The following PHACTR4 variants were observed in gnomAD, a reference collection of about 807,000 sequenced individuals.
PHACTR4 encodes the protein phosphatase and actin regulator 4, also known as protein phosphatase 1, regulatory subunit 124.
Under a neutral mutation model 72.7 loss-of-function variants are expected in PHACTR4, and 51 were observed. The observed-to-expected ratio is 0.70, with a 90% CI of 0.56 to 0.89. The LOEUF (loss-of-function observed/expected upper bound fraction) is 0.89. PHACTR4 is among the 40% of genes least tolerant of loss of function. The probability of loss-of-function intolerance (pLI) is 0.00; values close to 1 mark genes in which losing one functional copy is unlikely to be tolerated. For synonymous variants in PHACTR4, 255 were observed against 302.5 expected (o/e 0.84, Z 1.63); for missense variants, 731 against 861.8 (o/e 0.85, Z 1.90).
intron 1 of PHACTR4, among the ~76,000 whole-genome samples, chr1:28,381,144 T>A (rs1163710286): frequency 2.0e-5 from 3 of 148,192 alleles, no homozygotes; most frequent in African/African-American, 5.0e-5. Flanking sequence ...GTAGCTGGGA[T>A]TACAGGCCCA....
intron 1 of PHACTR4, among the ~76,000 whole-genome samples, chr1:28,375,818 C>A (rs1328255793): frequency 1.3e-5 from 2 of 152,156 alleles, no homozygotes; most frequent in African/African-American, 4.8e-5. Flanking sequence ...GCCTCTAATC[C>A]CAGGACTGTG....
Position 28,466,743 on chromosome 1 carries a change from T to C in PHACTR4, c.798T>C (p.Ala266=), listed in dbSNP as rs751694709. The C allele has an allele frequency of 6.2e-6, 10 of 1,611,822 alleles. No individual in the cohort carries two copies. The highest frequency in any genetic ancestry group is 8.5e-6 in the Non-Finnish European group (10 of 1,178,512). The change falls in exon 6 of 14, where the codon GCT becomes GCC. Residue 266 remains alanine (A), a synonymous_variant. Coordinates refer to ENST00000373839, the MANE Select transcript of PHACTR4 (RefSeq NM_001048183.3). The part of the protein sequence containing the change: ...KQPPIPPPKP[A]HRNSNPVIAE... ...CCCCTATCCCTCCCCCTAAACCAGCTCACAGAAATAGCAACCCTGTCATTG... is the reference window on the plus strand; with the variant it reads ...CCCCTATCCCTCCCCCTAAACCAGCCCACAGAAATAGCAACCCTGTCATTG...
intron 1 of PHACTR4, among the ~76,000 whole-genome samples, chr1:28,383,144 C>T (rs6663700): frequency 0.39 from 58,663 of 151,992 alleles, 13,017 homozygotes; most frequent in African/African-American, 0.6. Context: ...TTTTGTCTGG[C>T]TTATCAAAGA....
intron 3 of PHACTR4, 108 bp from the exon 4 acceptor site, chr1:28,460,104 T>C (rs891970583): frequency 4.4e-4 from 271 of 611,922 alleles, no homozygotes; most frequent in Admixed American, 1.1e-3. Flanking sequence ...TTCCTGAGAA[T>C]ATAAACTTAA....
intron 2 of PHACTR4, among the ~76,000 whole-genome samples, chr1:28,409,282 G>T (rs1302925780): frequency 3.3e-5 from 5 of 151,976 alleles, no homozygotes; most frequent in Admixed American, 3.3e-4. Context: ...ATGGTAAGGG[G>T]TGAAGAAGAC....
chr1:28,415,942 G>A (rs1655079375), intron 2 of PHACTR4, among the ~76,000 whole-genome samples: 1 of 152,120 alleles, frequency 6.6e-6, no homozygotes, highest in South Asian at 2.1e-4. Flanking sequence ...GAATTATTAT[G>A]ATGATGCTAT....
chr1:28,384,552 T>C (rs1277522496), intron 1 of PHACTR4, among the ~76,000 whole-genome samples: 3 of 152,176 alleles, frequency 2.0e-5, no homozygotes, highest in African/African-American at 7.2e-5. Flanking sequence ...ATCTTCTCTC[T>C]TTTTGTCTTT....
intron 2 of PHACTR4, among the ~76,000 whole-genome samples, chr1:28,432,196 G>A (rs927879284): frequency 1.3e-5 from 2 of 151,560 alleles, no homozygotes; most frequent in Admixed American, 6.6e-5. Context: ...GTGACAGAGC[G>A]AGACTCTGTA....
chr1:28,399,751 ACCAT>A (rs1210839898), intron 1 of PHACTR4, among the ~76,000 whole-genome samples: 1 of 152,232 alleles, frequency 6.6e-6, no homozygotes, highest in Non-Finnish European at 1.5e-5. Flanking sequence ...CAGATAGTAT[ACCAT>A]CAGATAGTGA....
intron 11 of PHACTR4, 152 bp from the exon 12 acceptor site, chr1:28,491,498 T>C (rs1285075039): frequency 2.0e-6 from 2 of 995,046 alleles, no homozygotes; most frequent in Non-Finnish European, 3.0e-6. Flanking sequence ...ATAACCATAA[T>C]CACTGGGGGT....
At chr1:28,496,104 T>G (rs564082823) in intron 13 of PHACTR4, among the ~76,000 whole-genome samples, 106 of 144,010 alleles carry the variant, frequency 7.4e-4, no homozygotes, top group African/African-American at 2.7e-3. Flanking sequence ...TCACCCAGGC[T>G]GGAGTGCAGT....
At chr1:28,444,782 A>ATTT (rs577693546) in intron 2 of PHACTR4, among the ~76,000 whole-genome samples, 2 of 116,678 alleles carry the variant, frequency 1.7e-5, no homozygotes, top group African/African-American at 7.3e-5. Flanking sequence ...CACCCAGCTA[A>ATTT]TTTTTTTTTT....
intron 2 of PHACTR4, among the ~76,000 whole-genome samples, chr1:28,410,511 T>C (rs2124297450): frequency 6.6e-6 from 1 of 152,302 alleles, no homozygotes; most frequent in East Asian, 1.9e-4. Flanking sequence ...AAATTTATTA[T>C]TAAACAATTA....
chr1:28,430,420 A>G (rs778864953), intron 2 of PHACTR4, among the ~76,000 whole-genome samples: 22 of 152,140 alleles, frequency 1.4e-4, no homozygotes, highest in Non-Finnish European at 2.8e-4. Flanking sequence ...TAGATGAGAA[A>G]TGAAGAGTTT....
chr1:28,455,026 A>AT (rs927385552), intron 2 of PHACTR4, among the ~76,000 whole-genome samples: 27 of 149,960 alleles, frequency 1.8e-4, no homozygotes, highest in African/African-American at 6.1e-4. Flanking sequence ...TACTCAGCTA[A>AT]TTTTTTTTTG....
At chr1:28,417,677 G>C (rs1339194854) in intron 2 of PHACTR4, among the ~76,000 whole-genome samples, 1 of 152,086 alleles carries the variant, frequency 6.6e-6, no homozygotes, top group East Asian at 1.9e-4. Context: ...TATATCTTTG[G>C]ACTGCAGTCA....
intron 3 of PHACTR4, 36 bp from the exon 4 acceptor site, chr1:28,460,176 C>A: frequency 6.9e-7 from 1 of 1,452,530 alleles, no homozygotes; most frequent in Non-Finnish European, 9.7e-7. Context: ...TTTCAACTGT[C>A]ACATTTCTGA....
intron 2 of PHACTR4, among the ~76,000 whole-genome samples, chr1:28,409,368 C>T (rs1654601580): frequency 6.6e-6 from 1 of 152,094 alleles, no homozygotes; most frequent in Non-Finnish European, 1.5e-5. Context: ...CATACTCCAC[C>T]ACTCCTGGCC....
chr1:28,455,663 T>C (rs1298201866), intron 2 of PHACTR4, among the ~76,000 whole-genome samples: 1 of 152,118 alleles, frequency 6.6e-6, no homozygotes, highest in Non-Finnish European at 1.5e-5. Context: ...TTAAAACAGA[T>C]TCTGAAAGTC....
Sources: gnomAD v4.1 joint callset for allele counts (sites outside exome capture counted in the v4.1 genomes callset) on GRCh38, gnomAD v4.1.1 for gene constraint, MANE v1.5 for transcripts, NCBI Gene and HGNC (gene_info 2026-07-23, HGNC 2026-07-21) for gene names.